GRIK3: variants seen among roughly 807,000 people sequenced by gnomAD.
GRIK3 encodes the protein glutamate ionotropic receptor kainate type subunit 3.
GRIK3 carries 29 observed loss-of-function variants against 102.5 expected under a neutral mutation model. The observed-to-expected ratio is 0.28, with a 90% CI of 0.21 to 0.39. The LOEUF (loss-of-function observed/expected upper bound fraction) is 0.39, where lower values mean the gene tolerates loss of function less well. GRIK3 is among the 10% of genes least tolerant of loss of function. The pLI, the probability that GRIK3 is intolerant of heterozygous loss-of-function variation, is 1.00. For synonymous variants in GRIK3, 511 were observed against 504.9 expected (o/e 1.01, Z -0.16); for missense variants, 908 against 1,252.4 (o/e 0.73, Z 4.15).
intron 3 of GRIK3, among the ~76,000 whole-genome samples, chr1:36,878,265 G>A (rs1013068707): frequency 6.6e-6 from 1 of 152,244 alleles, no homozygotes; most frequent in African/African-American, 2.4e-5. Context: ...GGAGTGGCTG[G>A]GAGGTGGGCA....
chr1:36,884,448 C>T (rs1244202307), intron 2 of GRIK3, among the ~76,000 whole-genome samples: 1 of 152,152 alleles, frequency 6.6e-6, no homozygotes, highest in African/African-American at 2.4e-5. Flanking sequence ...TGTTGCATAT[C>T]TTCCCCGACA....
intron 2 of GRIK3, among the ~76,000 whole-genome samples, chr1:36,885,671 A>G (rs115586264): frequency 0.012 from 1,837 of 151,946 alleles, 36 homozygotes; most frequent in African/African-American, 0.041. Flanking sequence ...CCCTCTGAGG[A>G]CTTCCCAGCT....
chr1:36,864,020 G>C (rs548896174), intron 5 of GRIK3, among the ~76,000 whole-genome samples: 1 of 152,246 alleles, frequency 6.6e-6, no homozygotes, highest in Admixed American at 6.5e-5. Flanking sequence ...TATTTTAATG[G>C]CACCAACCCA....
rs1294715636 is a variant in GRIK3, at chr1:36,957,833, GT to G, written c.116-66738del. Among the ~76,000 whole-genome samples, 4 of 112,794 alleles carry G rather than the reference GT, an allele frequency of 3.5e-5. 1 individual carries two copies. The highest frequency in any genetic ancestry group is 5.2e-5 in the Non-Finnish European group (3 of 57,516). 74.0% of individuals were successfully genotyped at this position (112,794 alleles called of 152,430 possible). On this transcript the variant is annotated intron_variant, in intron 1 of 15. Transcript: ENST00000373091. ...ACCTATGTGTCCCGTGAGCCTGTGT[GT>G]CCCATGACTCTGTGCCCCGTGAGTC...
chr1:37,027,637 C>A (rs1029129511), intron 1 of GRIK3, among the ~76,000 whole-genome samples: 1 of 152,186 alleles, frequency 6.6e-6, no homozygotes, highest in African/African-American at 2.4e-5. Context: ...TTTGAAAAGA[C>A]GTCACACGTA....
In GRIK3 at chr1:36,797,283, C is replaced by CATATAT. The variant is rs10696323; in HGVS notation, c.*4562_*4567dup. On this transcript the variant is annotated 3_prime_UTR_variant, in exon 16 of 16. Transcript: ENST00000373091. ...GGCTACAGGTCATATATACACTGTGCATATATATATATATATACAGTATAT... is the reference window on the plus strand; with the variant it reads ...GGCTACAGGTCATATATACACTGTGCATATATATATATATATATATATACAGTATAT... 1.6e-4 allele frequency: 24 copies of CATATAT among 146,424 alleles called. No individual in the cohort carries two copies. The highest frequency in any genetic ancestry group is 8.2e-4 in the Admixed American group (12 of 14,580). The allele number at this position is 146,424 out of a possible 1,614,324, so 9.1% of individuals were successfully genotyped here. A position where few individuals can be genotyped will look rare whatever the true frequency, so the allele number is the denominator to read the frequency against.
In GRIK3 at chr1:36,795,729, A is replaced by G. The variant is rs1031541415; in HGVS notation, c.*6122T>C. 15 of 152,246 alleles carry G rather than the reference A, an allele frequency of 9.9e-5. No homozygotes were observed. Among genetic ancestry groups the G allele is most frequent in the African/African-American group, 3.4e-4 (14 of 41,464 alleles). The allele number at this position is 152,246 out of a possible 1,614,324, so 9.4% of individuals were successfully genotyped here. On this transcript the variant is annotated 3_prime_UTR_variant, in exon 16 of 16. Coordinates refer to ENST00000373091, the MANE Select transcript of GRIK3 (RefSeq NM_000831.4). ...TGTTACAAAATGTTTACAAAAAACT[A>G]TATTCATAGAAATTCTGCATGTCCA... is the stretch of plus-strand genomic sequence containing the variant.
At chr1:36,946,726 G>A (rs1557435768) in intron 1 of GRIK3, among the ~76,000 whole-genome samples, 3 of 152,140 alleles carry the variant, frequency 2.0e-5, no homozygotes, top group South Asian at 2.1e-4. Flanking sequence ...ATGAGGGATC[G>A]GAGGCAGAGG....
intron 1 of GRIK3, among the ~76,000 whole-genome samples, chr1:36,965,246 C>T (rs947062532): frequency 3.9e-5 from 6 of 152,082 alleles, no homozygotes; most frequent in African/African-American, 7.2e-5. Context: ...GATGGTGATT[C>T]GTGATTCAAT....
chr1:36,880,548 G>A lies in GRIK3; in HGVS notation c.550+86C>T, dbSNP rs1640960770. The A allele has an allele frequency of 7.5e-7, 1 of 1,339,956 alleles. No homozygotes were observed. The highest frequency in any genetic ancestry group is 1.7e-5 in the Admixed American group (1 of 57,778). 83.0% of individuals were successfully genotyped at this position (1,339,956 alleles called of 1,614,324 possible). A position where few individuals can be genotyped will look rare whatever the true frequency, so the allele number is the denominator to read the frequency against. On this transcript the variant is annotated intron_variant, in intron 3 of 15. Transcript: ENST00000373091. This position sits in a 1 kb window ranked among gnomAD's most constrained non-coding sequence, Gnocchi z 5.4. The stretch of plus-strand genomic sequence containing the variant: ...CACAGCCTCTTCCCCCAGGGCAGCT[G>A]TGCTGAACAAACAGACAAGAGCTTG...
At chr1:37,029,825 T>A (rs1642801454) in intron 1 of GRIK3, among the ~76,000 whole-genome samples, 1 of 151,900 alleles carries the variant, frequency 6.6e-6, no homozygotes, top group South Asian at 2.1e-4. Context: ...TCTGGAGGGG[T>A]CGGGGATAAA....
chr1:36,868,902 G>T (rs1640814886), intron 5 of GRIK3, among the ~76,000 whole-genome samples: 1 of 152,234 alleles, frequency 6.6e-6, no homozygotes, highest in African/African-American at 2.4e-5. Flanking sequence ...ATAAATGAAT[G>T]AATATGGTTA....
intron 7 of GRIK3, 22 bp from the exon 8 acceptor site, chr1:36,853,744 G>A: frequency 1.5e-6 from 2 of 1,338,684 alleles, no homozygotes; most frequent in African/African-American, 1.4e-5. Flanking sequence ...AGAGGGCAGA[G>A]CGGCAATTCC....
At chr1:37,029,244 G>A (rs1642795348) in intron 1 of GRIK3, among the ~76,000 whole-genome samples, 1 of 152,242 alleles carries the variant, frequency 6.6e-6, no homozygotes, top group African/African-American at 2.4e-5. Context: ...TCCCAGAGCT[G>A]CAGCCCTACC....
At chr1:36,946,893 T>C (rs963164935) in intron 1 of GRIK3, among the ~76,000 whole-genome samples, 4 of 151,958 alleles carry the variant, frequency 2.6e-5, no homozygotes, top group African/African-American at 9.7e-5. Flanking sequence ...CCTGGACAAT[T>C]TGATTTGTAT....
In GRIK3 at chr1:36,880,954, T is replaced by G. The variant is rs1640969011; in HGVS notation, c.293-63A>C. 6.6e-7 allele frequency: 1 copy of G among 1,504,520 alleles called. No homozygotes were observed. Among genetic ancestry groups the G allele is most frequent in the African/African-American group, 1.4e-5 (1 of 72,416 alleles). The allele number at this position is 1,504,520 out of a possible 1,614,324, so 93.2% of individuals were successfully genotyped here. On this transcript the variant is annotated intron_variant, in intron 2 of 15. Transcript: ENST00000373091. This position sits in a 1 kb window ranked among gnomAD's most constrained non-coding sequence, Gnocchi z 5.4. ...GGGGCTGTGGGTATGGGGACAGTGA[T>G]GCTGATGATCCTGTAAACATGTGGG...
intron 5 of GRIK3, among the ~76,000 whole-genome samples, chr1:36,864,375 C>T (rs930973649): frequency 6.6e-6 from 1 of 152,206 alleles, no homozygotes; most frequent in African/African-American, 2.4e-5. Flanking sequence ...CTGAGCTCTG[C>T]CTACAGGGGG....
At chr1:36,804,733 AG>A (rs1289858623) in intron 15 of GRIK3, 2 of 552,262 alleles carry the variant, frequency 3.6e-6, no homozygotes, top group African/African-American at 3.8e-5. Context: ...TGGAGGCTGG[AG>A]GGCCAGTTTG....
chr1:36,839,845 G>T (rs1640425695), intron 10 of GRIK3, among the ~76,000 whole-genome samples: 1 of 152,148 alleles, frequency 6.6e-6, no homozygotes, highest in Non-Finnish European at 1.5e-5. Flanking sequence ...ACTGGGCCAG[G>T]CTCCAGCCTT....
Sources: allele counts gnomAD v4.1 joint callset (sites outside exome capture counted in the v4.1 genomes callset), GRCh38; gene constraint gnomAD v4.1.1; non-coding constraint Gnocchi (gnomAD v3.1); transcripts MANE v1.5; gene names NCBI Gene and HGNC (gene_info 2026-07-23, HGNC 2026-07-21).